RUNDC3B: variants seen among roughly 807,000 people sequenced by gnomAD.
RUNDC3B encodes the protein RUN domain containing 3B.
In RUNDC3B, 33 loss-of-function variants were observed where a neutral mutation model predicts 58.4. The observed-to-expected ratio is 0.56, with a 90% CI of 0.43 to 0.75. The LOEUF is 0.75. Among genes scored for constraint, RUNDC3B ranks in the 30% least tolerant of loss-of-function variants. The pLI is 0.00. For missense variants in RUNDC3B, 501 were observed against 535.7 expected (o/e 0.94, Z 0.64); for synonymous variants, 193 against 195.2 (o/e 0.99, Z 0.10).
rs991861053 is a variant in RUNDC3B at position 87,752,581 on chromosome 7, A to G, written c.629+11002A>G. Among the ~76,000 whole-genome samples, 15 of 152,188 alleles carry G rather than the reference A, an allele frequency of 9.9e-5. 1 individual carries two copies. Among genetic ancestry groups the G allele is most frequent in the African/African-American group, 3.4e-4 (14 of 41,516 alleles). On this transcript the variant is annotated intron_variant, in intron 6 of 10. Coordinates refer to ENST00000394654, the MANE Select transcript of RUNDC3B (RefSeq NM_001134405.2). ...TGTTATTGGTCTATTCAGAGATTCAACTTCTTCCTGGTTTAGTCTTGGGAG... is the reference window on the plus strand; with the variant it reads ...TGTTATTGGTCTATTCAGAGATTCAGCTTCTTCCTGGTTTAGTCTTGGGAG...
chr7:87,741,556 A>G lies in RUNDC3B; in HGVS notation c.606A>G (p.Thr202=). The G allele has an allele frequency of 1.9e-6, 3 of 1,582,488 alleles. No individual in the cohort carries two copies. The highest frequency in any genetic ancestry group is 1.7e-6 in the Non-Finnish European group (2 of 1,156,988). ...DGSFPAVIDY[T]PYLKYIQSSD... ...GTTTTCCTGCTGTAATAGACTATAC[A>G]CCATATTTGAAGTATATCCAAAGGT... The change falls in exon 6 of 11, where the codon ACA becomes ACG. Residue 202 remains threonine, a synonymous_variant. Transcript: ENST00000394654.
At chr7:87,629,017 T>C (rs2130166935) in intron 1 of RUNDC3B, 72 bp downstream of exon 1, 3 of 1,259,232 alleles carry the variant, frequency 2.4e-6, no homozygotes, top group Non-Finnish European at 3.0e-6. Flanking sequence ...GCGCGGGTCC[T>C]TGGGGGTCCC....
intron 1 of RUNDC3B, among the ~76,000 whole-genome samples, chr7:87,641,658 G>A (rs1380672195): frequency 6.6e-6 from 1 of 152,114 alleles, no homozygotes; most frequent in Non-Finnish European, 1.5e-5. Context: ...CTTTTACTCT[G>A]ACACTAGATT....
In RUNDC3B at chr7:87,777,872, T is replaced by G. The variant is rs759128111; in HGVS notation, c.873T>G (p.Leu291=). The G allele has an allele frequency of 7.7e-5, 124 of 1,613,280 alleles. No homozygotes were observed. Among genetic ancestry groups the G allele is most frequent in the Non-Finnish European group, 1.1e-4 (124 of 1,179,486 alleles). ...SESVSQNKIL[L]QRIEDSDLAH... Reference sequence around the variant, plus strand: ...CTGTCTCCCAGAATAAAATACTACTTCAAAGGATTGAAGATTCCGATCTGG... The same window carrying G: ...CTGTCTCCCAGAATAAAATACTACTGCAAAGGATTGAAGATTCCGATCTGG... Residue 291 remains leucine, a synonymous_variant, in exon 8 of 11, where the codon CTT becomes CTG. Coordinates refer to ENST00000394654, the MANE Select transcript of RUNDC3B (RefSeq NM_001134405.2).
chr7:87,762,507 C>T (rs1833748512), intron 6 of RUNDC3B, among the ~76,000 whole-genome samples: 1 of 151,332 alleles, frequency 6.6e-6, no homozygotes. Flanking sequence ...ATATTGGTGA[C>T]ATCATCCTCT....
At chr7:87,698,712 T>C (rs1476508678) in intron 2 of RUNDC3B, among the ~76,000 whole-genome samples, 1 of 152,194 alleles carries the variant, frequency 6.6e-6, no homozygotes, top group African/African-American at 2.4e-5. Context: ...GTGTTAGAGA[T>C]TGATCTAAAA....
At chr7:87,720,886 CCTCG>C (rs1830842443) in intron 4 of RUNDC3B, among the ~76,000 whole-genome samples, 4 of 4,488 alleles carry the variant, frequency 8.9e-4, no homozygotes, top group African/African-American at 3.6e-3. Context: ...AGGCGTGAGC[CCTCG>C]TGTTTGGACA....
At chr7:87,666,463 T>G (rs1295238437) in intron 2 of RUNDC3B, among the ~76,000 whole-genome samples, 2 of 152,206 alleles carry the variant, frequency 1.3e-5, no homozygotes, top group Non-Finnish European at 2.9e-5. Flanking sequence ...GTGGATAGTT[T>G]CCTTTGCTGC....
chr7:87,732,347 A>G (rs1459192948), intron 4 of RUNDC3B, among the ~76,000 whole-genome samples: 2 of 152,132 alleles, frequency 1.3e-5, no homozygotes. Flanking sequence ...TTAAAGAACT[A>G]GAAAAGAAAG....
chr7:87,693,879 G>GTGT (rs772869213), intron 2 of RUNDC3B: 5 of 1,597,722 alleles, frequency 3.1e-6, no homozygotes, highest in East Asian at 2.2e-5. Flanking sequence ...AAATATCTGT[G>GTGT]TGTTGTTGTT....
rs537252792 is a variant in RUNDC3B at position 87,726,681 on chromosome 7, G to A, written c.459-13110G>A. ...GCATTGAATCTATAAATTACCTTGG[G>A]CTGTATGGCCATTTTCAGGATATTG... On this transcript the variant is annotated intron_variant, in intron 4 of 10. Coordinates refer to ENST00000394654, the MANE Select transcript of RUNDC3B (RefSeq NM_001134405.2). Among the ~76,000 whole-genome samples the A allele has an allele frequency of 1.3e-3, 201 of 152,242 alleles. 2 individuals are homozygous for A. In the South Asian group the frequency reaches 0.016, roughly 12 times the overall value.
At chr7:87,737,845 A>T (rs1341954259) in intron 4 of RUNDC3B, among the ~76,000 whole-genome samples, 1 of 152,068 alleles carries the variant, frequency 6.6e-6, no homozygotes, top group Non-Finnish European at 1.5e-5. Context: ...TAGAAAATTT[A>T]CTTATTTACT....
chr7:87,826,458 C>T (rs568708397), intron 10 of RUNDC3B, among the ~76,000 whole-genome samples: 26 of 150,710 alleles, frequency 1.7e-4, no homozygotes, highest in African/African-American at 4.9e-4. Flanking sequence ...TTATCAGCAG[C>T]GTGAAAATGG....
chr7:87,632,699 A>AT (rs1310491190), intron 1 of RUNDC3B, among the ~76,000 whole-genome samples: 4 of 151,986 alleles, frequency 2.6e-5, no homozygotes, highest in South Asian at 4.1e-4. Flanking sequence ...GATATTAGTC[A>AT]TTTTTTCTGT....
At chr7:87,824,463 C>T (rs1837686119) in intron 10 of RUNDC3B, among the ~76,000 whole-genome samples, 2 of 151,958 alleles carry the variant, frequency 1.3e-5, no homozygotes, top group Non-Finnish European at 2.9e-5. Flanking sequence ...GTCCATTAAA[C>T]CTCTTTTTTT....
chr7:87,804,478 C>T (rs1836333926), intron 8 of RUNDC3B, among the ~76,000 whole-genome samples: 1 of 151,972 alleles, frequency 6.6e-6, no homozygotes, highest in Non-Finnish European at 1.5e-5. Flanking sequence ...TTTGAGAAGC[C>T]AAATTCCTAA....
chr7:87,741,889 T>C (rs951296179), intron 6 of RUNDC3B, among the ~76,000 whole-genome samples: 1 of 152,244 alleles, frequency 6.6e-6, no homozygotes, highest in Non-Finnish European at 1.5e-5. Flanking sequence ...ACTGAGATTT[T>C]GAAACTATAA....
chr7:87,769,639 CT>C (rs566645877), intron 6 of RUNDC3B, among the ~76,000 whole-genome samples: 12 of 150,820 alleles, frequency 8.0e-5, no homozygotes, highest in African/African-American at 2.4e-4. Flanking sequence ...TATTTTTCTT[CT>C]TTTTTTTTAT....
In RUNDC3B at chr7:87,732,539, G is replaced by T. The variant is rs537379115; in HGVS notation, c.459-7252G>T. On this transcript the variant is annotated intron_variant, in intron 4 of 10. Transcript: ENST00000394654. ...CCACATTGGGCACCAGATATTGCAG[G>T]ATCTGGCCAGCAGCCTGCAATGCAA... is the stretch of plus-strand genomic sequence containing the variant. 1.5e-3 allele frequency among the ~76,000 whole-genome samples: 226 copies of T among 152,244 alleles called. 1 individual carries two copies. Among genetic ancestry groups the T allele is most frequent in the African/African-American group, 5.3e-3 (221 of 41,534 alleles).
Sources: allele counts gnomAD v4.1 joint callset (sites outside exome capture counted in the v4.1 genomes callset), GRCh38; gene constraint gnomAD v4.1.1; transcripts MANE v1.5; gene names NCBI Gene and HGNC (gene_info 2026-07-23, HGNC 2026-07-21).